Variants in DPF3 observed in about 807,000 individuals in gnomAD.
DPF3 encodes the protein double PHD fingers 3.
Under a neutral mutation model 56.8 loss-of-function variants are expected in DPF3, and 18 were observed. The ratio of observed to expected loss-of-function variants is 0.32; its 90% CI spans 0.22 to 0.47. DPF3 has a LOEUF of 0.47. Among genes scored for constraint, DPF3 ranks in the 20% least tolerant of loss-of-function variants. The pLI, the probability that DPF3 is intolerant of heterozygous loss-of-function variation, is 1.00. For missense variants in DPF3, 403 were observed against 488.8 expected (o/e 0.82, Z 1.65); for synonymous variants, 188 against 180.2 (o/e 1.04, Z -0.35).
intron 7 of DPF3, among the ~76,000 whole-genome samples, chr14:72,676,250 G>C (rs968727516): frequency 2.0e-5 from 3 of 152,286 alleles, no homozygotes; most frequent in African/African-American, 7.2e-5. Context: ...TTGTTACTTA[G>C]GTAGCTTCCT....
intron 8 of DPF3, among the ~76,000 whole-genome samples, chr14:72,635,273 G>A (rs1424985281): frequency 6.6e-6 from 1 of 152,200 alleles, no homozygotes; most frequent in Non-Finnish European, 1.5e-5. Flanking sequence ...GATAATCCAT[G>A]AGGCTGGGAG....
At chr14:72,799,740 G>A (rs997116057) in intron 1 of DPF3, among the ~76,000 whole-genome samples, 2 of 152,158 alleles carry the variant, frequency 1.3e-5, no homozygotes, top group African/African-American at 4.8e-5. Context: ...GCAAATTAGA[G>A]TCAATCCTGG....
chr14:72,688,363 T>C (rs1455475263), intron 7 of DPF3, among the ~76,000 whole-genome samples: 2 of 151,804 alleles, frequency 1.3e-5, no homozygotes, highest in Non-Finnish European at 2.9e-5. Context: ...GATGGATGCA[T>C]GGATGGATTA....
intron 8 of DPF3, among the ~76,000 whole-genome samples, chr14:72,645,484 C>T (rs979037348): frequency 1.3e-5 from 2 of 151,982 alleles, no homozygotes; most frequent in African/African-American, 4.8e-5. Flanking sequence ...CCATGCCTGG[C>T]TAATTTTTAA....
Position 72,771,754 on chromosome 14 carries a change from C to A in DPF3, c.172G>T (p.Glu58Ter). The stretch of plus-strand genomic sequence containing the variant: ...TCACCTGGGCCTCGGTGCCTCTTCT[C>A]CATCCAGATGTAGCAGTTGTTCTGG... ...VAQNNCYIWM[E>*]KRHRGPGLAP... Residue 58 changes from glutamate to a stop codon, truncating the protein, a stop_gained, in exon 2 of 11, where the codon GAG becomes TAG. Transcript: ENST00000556509. LOFTEE classifies it high-confidence loss of function. 1 of 1,613,128 alleles carries A rather than the reference C, an allele frequency of 6.2e-7. No homozygotes were observed. Among genetic ancestry groups the A allele is most frequent in the Non-Finnish European group, 8.5e-7 (1 of 1,179,464 alleles).
intron 3 of DPF3, among the ~76,000 whole-genome samples, chr14:72,746,678 A>G (rs1265298057): frequency 6.6e-6 from 1 of 152,266 alleles, no homozygotes; most frequent in Admixed American, 6.5e-5. Flanking sequence ...GATAATTGCA[A>G]AGGCCAGCAC....
At chr14:72,893,755 T>C (rs8008453) in intron 1 of DPF3, among the ~76,000 whole-genome samples, 143,663 of 152,220 alleles carry the variant, frequency 0.94, 67,908 homozygotes, top group East Asian at 1. Context: ...CCCGCGACCC[T>C]CCTGCTGTAG....
chr14:72,805,444 T>C (rs1308438508), intron 1 of DPF3, among the ~76,000 whole-genome samples: 1 of 150,668 alleles, frequency 6.6e-6, no homozygotes, highest in African/African-American at 2.4e-5. Flanking sequence ...CACTCCAGCC[T>C]GGGCAACAAG....
At chr14:72,813,835 G>T (rs751036081) in intron 1 of DPF3, among the ~76,000 whole-genome samples, 1 of 152,182 alleles carries the variant, frequency 6.6e-6, no homozygotes, top group Non-Finnish European at 1.5e-5. Flanking sequence ...GAGATGAGGG[G>T]CTCCATGACG....
intron 2 of DPF3, among the ~76,000 whole-genome samples, chr14:72,765,495 C>T (rs1891243065): frequency 6.6e-6 from 1 of 152,142 alleles, no homozygotes; most frequent in Non-Finnish European, 1.5e-5. Flanking sequence ...TCAAAGACTG[C>T]AAACAAATCC....
At chr14:72,731,772 A>G (rs761555880) in intron 4 of DPF3, 35 bp downstream of exon 4, 1 of 1,612,122 alleles carries the variant, frequency 6.2e-7, no homozygotes, top group Admixed American at 1.7e-5. Context: ...GGTGACAGGA[A>G]CACTCTGTGG....
chr14:72,643,402 C>T (rs1286954202), intron 8 of DPF3, among the ~76,000 whole-genome samples: 1 of 152,228 alleles, frequency 6.6e-6, no homozygotes, highest in African/African-American at 2.4e-5. Context: ...TTACATGAGG[C>T]AGAGGACTGA....
intron 4 of DPF3, among the ~76,000 whole-genome samples, chr14:72,724,713 T>TG (rs1056428955): frequency 5.4e-5 from 8 of 147,412 alleles, no homozygotes; most frequent in Non-Finnish European, 1.2e-4. Flanking sequence ...TTTTGTTTGT[T>TG]TTTTTTTTTT....
chr14:72,664,571 C>CCCTG (rs1886366887), intron 8 of DPF3, among the ~76,000 whole-genome samples: 2 of 151,996 alleles, frequency 1.3e-5, no homozygotes, highest in Admixed American at 6.6e-5. Context: ...CCCTCCCCAC[C>CCCTG]CCTGTCCTGA....
intron 6 of DPF3, among the ~76,000 whole-genome samples, chr14:72,711,425 G>C (rs1888647401): frequency 6.6e-6 from 1 of 152,206 alleles, no homozygotes; most frequent in African/African-American, 2.4e-5. Flanking sequence ...AAGTAGAAAA[G>C]AGCATGCACC....
intron 1 of DPF3, among the ~76,000 whole-genome samples, chr14:72,828,431 G>A (rs1224185298): frequency 6.7e-6 from 1 of 150,194 alleles, no homozygotes; most frequent in Non-Finnish European, 1.5e-5. Context: ...TCAACACTTT[G>A]GGAGGCCAAG....
intron 8 of DPF3, among the ~76,000 whole-genome samples, chr14:72,637,809 G>GA (rs1885428449): frequency 1.3e-5 from 2 of 151,714 alleles, no homozygotes; most frequent in Admixed American, 1.3e-4. Context: ...AGTTAAAAAA[G>GA]AAAAAAACTA....
At chr14:72,788,797 C>T (rs1371714978) in intron 1 of DPF3, among the ~76,000 whole-genome samples, 1 of 152,168 alleles carries the variant, frequency 6.6e-6, no homozygotes, top group Non-Finnish European at 1.5e-5. Flanking sequence ...TGGGTTGTCC[C>T]TTATCAGTAG....
chr14:72,695,754 C>A (rs953671293), intron 6 of DPF3, among the ~76,000 whole-genome samples: 1 of 152,046 alleles, frequency 6.6e-6, no homozygotes, highest in African/African-American at 2.4e-5. Flanking sequence ...GTACTATGTT[C>A]ACTAATTGGA....
Sources: gnomAD v4.1 joint callset for allele counts (sites outside exome capture counted in the v4.1 genomes callset) on GRCh38, gnomAD v4.1.1 for gene constraint, MANE v1.5 for transcripts, NCBI Gene and HGNC (gene_info 2026-07-23, HGNC 2026-07-21) for gene names.